Variants in NRG1 observed in about 807,000 individuals in gnomAD.
The protein encoded by NRG1 is neuregulin 1.
NRG1 carries 18 observed loss-of-function variants against 63.8 expected under a neutral mutation model. The observed-to-expected ratio is 0.28, with a 90% CI of 0.19 to 0.42. NRG1 has a LOEUF of 0.42. Ranked by LOEUF, NRG1 falls within the 10% of genes least tolerant of loss-of-function variation. The pLI is 1.00. For synonymous variants in NRG1, 302 were observed against 301.3 expected, an observed-to-expected ratio of 1.00 and a Z score of -0.02; for missense variants, 762 against 814.7, an observed-to-expected ratio of 0.94 and a Z score of 0.79.
chr8:32,174,573 T>G (rs1450803855), intron 1 of NRG1, among the ~76,000 whole-genome samples: 5 of 151,876 alleles, frequency 3.3e-5, no homozygotes, highest in Non-Finnish European at 5.9e-5. Context: ...TCAACAAAAT[T>G]GATAGACCAC....
chr8:31,875,136 C>T (rs1829809203), intron 1 of NRG1, among the ~76,000 whole-genome samples: 1 of 152,022 alleles, frequency 6.6e-6, no homozygotes, highest in Non-Finnish European at 1.5e-5. Context: ...AGAGGGAGAA[C>T]TCCTGCCTCT....
intron 1 of NRG1, among the ~76,000 whole-genome samples, chr8:32,432,733 A>G (rs1347000262): frequency 6.6e-6 from 1 of 151,790 alleles, no homozygotes; most frequent in African/African-American, 2.4e-5. Context: ...TACTCAAGCA[A>G]TCCTCCTGCC....
At chr8:32,048,176 A>G (rs531843989) in intron 1 of NRG1, among the ~76,000 whole-genome samples, 2 of 151,864 alleles carry the variant, frequency 1.3e-5, no homozygotes, top group Admixed American at 6.6e-5. Flanking sequence ...TTAATGTCAT[A>G]TCTTGACTAT....
At chr8:32,317,671 C>A (rs1251357374) in intron 1 of NRG1, among the ~76,000 whole-genome samples, 3 of 152,128 alleles carry the variant, frequency 2.0e-5, no homozygotes, top group Non-Finnish European at 4.4e-5. Flanking sequence ...AGAACGTACA[C>A]AAAGACAAAA....
chr8:31,812,515 CTCATTTCATT>C (rs112778625), intron 1 of NRG1, among the ~76,000 whole-genome samples: 1 of 151,862 alleles, frequency 6.6e-6, no homozygotes, highest in African/African-American at 2.4e-5. Context: ...TTTTTCCAGT[CTCATTTCATT>C]TCATTTCATT....
intron 1 of NRG1, chr8:32,442,441 C>T (rs1390793004): frequency 6.6e-6 from 1 of 152,214 alleles, no homozygotes; most frequent in African/African-American, 2.4e-5. Context: ...CACAAAGCAG[C>T]TCTGTTGTTG....
intron 1 of NRG1, among the ~76,000 whole-genome samples, chr8:32,147,401 T>C (rs1453694751): frequency 6.6e-6 from 1 of 152,246 alleles, no homozygotes; most frequent in African/African-American, 2.4e-5. Flanking sequence ...TATAGAACTG[T>C]ACATACAATG....
chr8:32,393,764 A>T (rs1218648292), intron 1 of NRG1, among the ~76,000 whole-genome samples: 1 of 152,152 alleles, frequency 6.6e-6, no homozygotes, highest in Non-Finnish European at 1.5e-5. Context: ...AGAGGATCAG[A>T]AAAAATAACT....
chr8:32,362,447 T>C (rs879661838), intron 1 of NRG1, among the ~76,000 whole-genome samples: 3 of 152,240 alleles, frequency 2.0e-5, no homozygotes, highest in Non-Finnish European at 4.4e-5. Flanking sequence ...ACTTGTTACT[T>C]TATTTTTCTA....
At chr8:32,047,057 C>T (rs1373395926) in intron 1 of NRG1, among the ~76,000 whole-genome samples, 1 of 151,882 alleles carries the variant, frequency 6.6e-6, no homozygotes, top group African/African-American at 2.4e-5. Flanking sequence ...TTTTTTTGCC[C>T]AGCATTGTTG....
intron 5 of NRG1, among the ~76,000 whole-genome samples, chr8:32,676,133 G>C (rs1429066795): frequency 6.6e-6 from 1 of 152,146 alleles, no homozygotes; most frequent in Non-Finnish European, 1.5e-5. Context: ...ACACAGCCAA[G>C]TCCATCTGCC....
chr8:32,021,233 T>G (rs1178565836), intron 1 of NRG1, among the ~76,000 whole-genome samples: 1 of 152,100 alleles, frequency 6.6e-6, no homozygotes, highest in Non-Finnish European at 1.5e-5. Context: ...AGAAAAGAAG[T>G]TTGTTTAGCT....
chr8:31,672,476 G>A (rs1158253096), intron 1 of NRG1, among the ~76,000 whole-genome samples: 1 of 152,120 alleles, frequency 6.6e-6, no homozygotes, highest in South Asian at 2.1e-4. Flanking sequence ...ACCAGTTTAG[G>A]TGTTAGGATT....
chr8:31,800,471 C>T (rs571083230), intron 1 of NRG1, among the ~76,000 whole-genome samples: 2 of 152,256 alleles, frequency 1.3e-5, no homozygotes, highest in Middle Eastern at 6.8e-3. Flanking sequence ...AATGTTTCTA[C>T]CGCATTTATC....
chr8:32,336,696 G>T (rs969480124), intron 1 of NRG1, among the ~76,000 whole-genome samples: 4 of 152,060 alleles, frequency 2.6e-5, no homozygotes, highest in African/African-American at 7.2e-5. Context: ...TGCAACCTCC[G>T]CCTCCCAGGT....
intron 1 of NRG1, among the ~76,000 whole-genome samples, chr8:31,962,751 GA>G (rs1173749589): frequency 1.3e-5 from 2 of 152,160 alleles, no homozygotes; most frequent in Non-Finnish European, 2.9e-5. Context: ...TATAAGCCTA[GA>G]GTTGCCTGCC....
intron 2 of NRG1, among the ~76,000 whole-genome samples, chr8:32,596,586 C>T (rs4132449): frequency 0.4 from 56,395 of 140,942 alleles, 12,498 homozygotes; most frequent in South Asian, 0.51. Context: ...GGCAACAGAG[C>T]GAGACTCCAT....
chr8:31,728,390 G>C (rs1378667117), intron 1 of NRG1, among the ~76,000 whole-genome samples: 1 of 152,164 alleles, frequency 6.6e-6, no homozygotes, highest in Non-Finnish European at 1.5e-5. Flanking sequence ...CTTGAACCCC[G>C]GAGGCAGAGG....
At chr8:32,745,377 G>T (rs1264541606) in intron 7 of NRG1, among the ~76,000 whole-genome samples, 1 of 152,022 alleles carries the variant, frequency 6.6e-6, no homozygotes, top group East Asian at 1.9e-4. Context: ...ACATTCTAAA[G>T]AATAGATAAT....
Sources: allele counts gnomAD v4.1 joint callset (sites outside exome capture counted in the v4.1 genomes callset), GRCh38; gene constraint gnomAD v4.1.1; transcripts MANE v1.5; gene names NCBI Gene and HGNC (gene_info 2026-07-23, HGNC 2026-07-21).